The following DNMT3A variants were observed in gnomAD, a reference collection of about 807,000 sequenced individuals.
The protein encoded by DNMT3A is DNA (cytosine-5)-methyltransferase 3A.
A neutral mutation model predicts 117.6 loss-of-function variants in DNMT3A; 267 were observed. The observed-to-expected ratio is 2.27, with a 90% CI of 2.05 to 2.51. The LOEUF (loss-of-function observed/expected upper bound fraction) is 2.51, where lower values mean the gene tolerates loss of function less well. Ranked by LOEUF, DNMT3A falls within the 30% of genes most tolerant of loss-of-function variation. The pLI, the probability that DNMT3A is intolerant of heterozygous loss-of-function variation, is 0.00. For missense variants in DNMT3A, 1,029 were observed against 1,260.2 expected, an observed-to-expected ratio of 0.82 and a Z score of 2.78; for synonymous variants, 432 against 474.8, an observed-to-expected ratio of 0.91 and a Z score of 1.17.
At position 25,254,071 on chromosome 2, in the gene DNMT3A, CAA is replaced by C. The variant is rs752382240; in HGVS notation, c.640-5821_640-5820del. Reference sequence around the variant, plus strand: ...TGGGCAACAGAGCGAGACTCCGTCTCAAAAAAAAAAAAAAAAAAGATCTGGAC... The same window carrying C: ...TGGGCAACAGAGCGAGACTCCGTCTCAAAAAAAAAAAAAAAAGATCTGGAC... On this transcript the variant is annotated intron_variant, in intron 6 of 22. Coordinates refer to ENST00000321117, the MANE Select transcript of DNMT3A (RefSeq NM_022552.5). The surrounding 1 kb of genome is among the most constrained non-coding windows in gnomAD (Gnocchi z 4.7). Among the ~76,000 whole-genome samples the C allele has an allele frequency of 8.2e-4, 58 of 71,102 alleles. No homozygotes were observed. Among genetic ancestry groups the C allele is most frequent in the African/African-American group, 2.1e-3 (40 of 19,348 alleles). 46.6% of individuals were successfully genotyped at this position (71,102 alleles called of 152,430 possible).
In DNMT3A at chr2:25,244,563, CATGA is replaced by C; in HGVS notation, c.1640_1643del (p.Leu547ArgfsTer103). ...ACCTGCAGCAGTTGTTGTTTCCGCA[CATGA>C]GCACCTCACGGCCCCCACAGCAGAT... is the stretch of plus-strand genomic sequence containing the variant. On this transcript the variant is annotated frameshift_variant, in exon 14 of 23. Transcript: ENST00000321117. LOFTEE classifies it high-confidence loss of function. 6.2e-7 allele frequency: 1 copy of C among 1,614,206 alleles called. No individual in the cohort carries two copies. Among genetic ancestry groups the C allele is most frequent in the South Asian group, 1.1e-5 (1 of 91,082 alleles).
chr2:25,270,844 T>C (rs2030819295), intron 6 of DNMT3A, among the ~76,000 whole-genome samples: 1 of 152,208 alleles, frequency 6.6e-6, no homozygotes, highest in African/African-American at 2.4e-5. Context: ...TCTGTGCTGT[T>C]GTTACACCAC....
intron 6 of DNMT3A, among the ~76,000 whole-genome samples, chr2:25,268,262 G>A (rs1393641378): frequency 6.6e-6 from 1 of 152,232 alleles, no homozygotes; most frequent in East Asian, 1.9e-4. Context: ...AAAGAGACCA[G>A]ATCCTAGAAC....
At chr2:25,329,440 C>A (rs1287661821) in intron 1 of DNMT3A, among the ~76,000 whole-genome samples, 3 of 152,088 alleles carry the variant, frequency 2.0e-5, no homozygotes, top group Non-Finnish European at 4.4e-5. Flanking sequence ...TGTGCTTGAT[C>A]AGAAAGAAAG....
rs1352945618 is a variant in DNMT3A, at chr2:25,239,057, G to A, written c.2408+73C>T. ...CCGGCCAGAGAGGGCCCGGCTCAGG[G>A]GCTTCCCCACTATGGGTCATCCCAC... is the stretch of plus-strand genomic sequence containing the variant. On this transcript the variant is annotated intron_variant, in intron 20 of 22. Coordinates refer to ENST00000321117, the MANE Select transcript of DNMT3A (RefSeq NM_022552.5). 1.9e-5 allele frequency: 27 copies of A among 1,396,086 alleles called. No homozygotes were observed. In the East Asian group the frequency reaches 2.6e-4, roughly 13 times the overall value. 86.5% of individuals were successfully genotyped at this position (1,396,086 alleles called of 1,614,324 possible). A position where few individuals can be genotyped will look rare whatever the true frequency, so the allele number is the denominator to read the frequency against.
At chr2:25,285,432 C>T (rs959161306) in intron 3 of DNMT3A, among the ~76,000 whole-genome samples, 4 of 152,212 alleles carry the variant, frequency 2.6e-5, no homozygotes, top group Non-Finnish European at 4.4e-5. Flanking sequence ...AGGGAGCAGC[C>T]GGAGAGGGAG....
chr2:25,248,667 C>T (rs1391821246), intron 6 of DNMT3A, among the ~76,000 whole-genome samples: 3 of 152,158 alleles, frequency 2.0e-5, no homozygotes, highest in African/African-American at 4.8e-5. Context: ...CCTGTCTCAG[C>T]CTCCCGAGTA....
Position 25,254,805 on chromosome 2 carries a change from T to C in DNMT3A, c.640-6553A>G, listed in dbSNP as rs2149332955. 6.6e-6 allele frequency among the ~76,000 whole-genome samples: 1 copy of C among 152,340 alleles called. No homozygotes were observed. The highest frequency in any genetic ancestry group is 2.1e-4 in the South Asian group (1 of 4,824). On this transcript the variant is annotated intron_variant, in intron 6 of 22. Coordinates refer to ENST00000321117, the MANE Select transcript of DNMT3A (RefSeq NM_022552.5). The surrounding 1 kb of genome is among the most constrained non-coding windows in gnomAD (Gnocchi z 4.7). ...TACGATACCCGCTCTTCCATTATAA[T>C]GCGGCTAAACACCTTAGACTCCACA...
chr2:25,332,545 T>C (rs923936273), intron 1 of DNMT3A, among the ~76,000 whole-genome samples: 13 of 152,228 alleles, frequency 8.5e-5, no homozygotes, highest in African/African-American at 3.1e-4. Flanking sequence ...GATGAATGGA[T>C]GAACATCATT....
chr2:25,307,061 C>G (rs926428034), intron 2 of DNMT3A, among the ~76,000 whole-genome samples: 5 of 152,222 alleles, frequency 3.3e-5, no homozygotes, highest in African/African-American at 1.2e-4. Context: ...GGATGAGGAA[C>G]CTCTGACCAT....
chr2:25,339,021 C>T lies in DNMT3A; in HGVS notation c.-178+2805G>A, dbSNP rs373240927. On this transcript the variant is annotated intron_variant, in intron 1 of 22. Transcript: ENST00000321117. The surrounding 1 kb of genome is among the most constrained non-coding windows in gnomAD (Gnocchi z 4.9). ...TTTTTACACCCTCTGCAGAGTCGGA[C>T]GTGACCAACCCGTCTCTTGCAGGGA... 6.6e-5 allele frequency among the ~76,000 whole-genome samples: 10 copies of T among 152,036 alleles called. No homozygotes were observed. Among genetic ancestry groups the T allele is most frequent in the Admixed American group, 2.0e-4 (3 of 15,276 alleles).
intron 1 of DNMT3A, among the ~76,000 whole-genome samples, chr2:25,318,690 TTTC>T (rs1339194180): frequency 2.6e-5 from 4 of 151,290 alleles, no homozygotes; most frequent in African/African-American, 4.9e-5. Context: ...CATTTTCTTT[TTTC>T]TTTTCTTTTT....
chr2:25,263,809 G>T (rs560839597), intron 6 of DNMT3A, among the ~76,000 whole-genome samples: 21 of 152,318 alleles, frequency 1.4e-4, no homozygotes, highest in Admixed American at 2.6e-4. Flanking sequence ...CACTGTCCCT[G>T]CCAAGCAGTC....
In DNMT3A at chr2:25,240,375, G is replaced by GGGCGATCATCTCCCTCCTT; in HGVS notation, c.2230_2248dup (p.Pro750GlnfsTer5). 6.2e-7 allele frequency: 1 copy of GGGCGATCATCTCCCTCCTT among 1,614,118 alleles called. No homozygotes were observed. Among genetic ancestry groups the GGGCGATCATCTCCCTCCTT allele is most frequent in the Non-Finnish European group, 8.5e-7 (1 of 1,179,990 alleles). ...CACATTCTCAAAGAGCCAGAAGAAG[G>GGGCGATCATCTCCCTCCTT]GGCGATCATCTCCCTCCTTGGGCCG... On this transcript the variant is annotated stop_gained and frameshift_variant, in exon 19 of 23. Transcript: ENST00000321117. LOFTEE classifies it high-confidence loss of function.
intron 16 of DNMT3A, among the ~76,000 whole-genome samples, chr2:25,242,919 TAA>T (rs1368479164): frequency 1.5e-5 from 2 of 130,136 alleles, no homozygotes; most frequent in Non-Finnish European, 3.4e-5. Context: ...CTTATAATAA[TAA>T]TAAAAAAAAT....
At chr2:25,325,335 G>A (rs905187670) in intron 1 of DNMT3A, among the ~76,000 whole-genome samples, 4 of 152,194 alleles carry the variant, frequency 2.6e-5, no homozygotes, top group Non-Finnish European at 5.9e-5. Context: ...AGGGGCACAG[G>A]GTGGCACAGA....
intron 4 of DNMT3A, among the ~76,000 whole-genome samples, chr2:25,276,396 C>T (rs1265400889): frequency 1.3e-5 from 2 of 152,212 alleles, no homozygotes; most frequent in African/African-American, 4.8e-5. Context: ...TGGGGCCTGG[C>T]ATACTGTAGG....
intron 6 of DNMT3A, among the ~76,000 whole-genome samples, chr2:25,248,560 T>TA (rs1410963472): frequency 6.6e-6 from 1 of 152,110 alleles, no homozygotes; most frequent in Admixed American, 6.5e-5. Context: ...TATTTATTTT[T>TA]TTTTTTGGAG....
rs1675715165 is a variant in DNMT3A at position 25,252,569 on chromosome 2, C to T, written c.640-4317G>A. Among the ~76,000 whole-genome samples the T allele has an allele frequency of 6.6e-6, 1 of 151,056 alleles. No homozygotes were observed. Among genetic ancestry groups the T allele is most frequent in the South Asian group, 2.1e-4 (1 of 4,806 alleles). ...CGGGCTGCAGGGAGCGCCCCGCCTT[C>T]GGGAAGACCGCCTGGCCCCTCCCCC... On this transcript the variant is annotated intron_variant, in intron 6 of 22. Transcript: ENST00000321117. This position sits in a 1 kb window ranked among gnomAD's most constrained non-coding sequence, Gnocchi z 5.5.
Sources: gnomAD v4.1 joint callset for allele counts (sites outside exome capture counted in the v4.1 genomes callset) on GRCh38, gnomAD v4.1.1 for gene constraint, Gnocchi (gnomAD v3.1) non-coding constraint, MANE v1.5 for transcripts, NCBI Gene and HGNC (gene_info 2026-07-23, HGNC 2026-07-21) for gene names.